The following ACAA2 variants were observed in gnomAD, a reference collection of about 807,000 sequenced individuals.
The protein encoded by ACAA2 is acetyl-CoA acyltransferase 2.
Under a neutral mutation model 44.8 loss-of-function variants are expected in ACAA2, and 35 were observed. The ratio of observed to expected loss-of-function variants is 0.78; its 90% CI spans 0.60 to 1.04. ACAA2 has a LOEUF of 1.04. Among genes scored for constraint, ACAA2 ranks in the 50% least tolerant of loss-of-function variants. The pLI is 0.00. For missense variants in ACAA2, 468 were observed against 482.6 expected (o/e 0.97, Z 0.28); for synonymous variants, 142 against 166.5 (o/e 0.85, Z 1.13).
intron 1 of ACAA2, among the ~76,000 whole-genome samples, chr18:49,809,204 A>G (rs1775068665): frequency 6.6e-6 from 1 of 152,208 alleles, no homozygotes. Flanking sequence ...TTGTTCCCTA[A>G]AAATCGCTGT....
chr18:49,788,891 C>T lies in ACAA2; in HGVS notation c.884-1530G>A, dbSNP rs564120508. ...GGAAAAGGAGACCTTATTTCTAGTCCTGGTTCCTGTCACTAATAGCTGTGC... is the reference window on the plus strand; with the variant it reads ...GGAAAAGGAGACCTTATTTCTAGTCTTGGTTCCTGTCACTAATAGCTGTGC... On this transcript the variant is annotated intron_variant, in intron 7 of 9. Coordinates refer to ENST00000285093, the MANE Select transcript of ACAA2 (RefSeq NM_006111.3). Among the ~76,000 whole-genome samples, 3 of 152,334 alleles carry T rather than the reference C, an allele frequency of 2.0e-5. No individual in the cohort carries two copies. The South Asian group carries it at 6.2e-4, about 32-fold the overall frequency.
At chr18:49,801,057 G>A (rs1174156195) in intron 2 of ACAA2, among the ~76,000 whole-genome samples, 3 of 152,074 alleles carry the variant, frequency 2.0e-5, no homozygotes. Flanking sequence ...GAAATAAAAA[G>A]AATCCACATT....
chr18:49,799,371 C>A (rs1445298249), intron 2 of ACAA2, among the ~76,000 whole-genome samples: 1 of 150,860 alleles, frequency 6.6e-6, no homozygotes, highest in Non-Finnish European at 1.5e-5. Context: ...CGCGCCGCCA[C>A]GCCTGACTGG....
Position 49,792,213 on chromosome 18 carries a change from T to C in ACAA2, c.692A>G (p.Gln231Arg). The C allele has an allele frequency of 6.2e-7, 1 of 1,614,058 alleles. No individual in the cohort carries two copies. Among genetic ancestry groups the C allele is most frequent in the South Asian group, 1.1e-5 (1 of 91,076 alleles). The change falls in exon 6 of 10, where the codon CAG becomes CGG. Residue 231 changes from glutamine to arginine, a missense_variant. Coordinates refer to ENST00000285093, the MANE Select transcript of ACAA2 (RefSeq NM_006111.3). ...GAATACTGGAGGAAGTTTCTGTAAC[T>C]GTTCCAGGGTGGTTTGGGGCCGAGC... The part of the protein sequence containing the change: ...EHARPQTTLE[Q>R]LQKLPPVFKK...
At chr18:49,797,344 T>A in intron 3 of ACAA2, 122 bp downstream of exon 3, 1 of 833,284 alleles carries the variant, frequency 1.2e-6, no homozygotes, top group Non-Finnish European at 1.8e-6. Flanking sequence ...ATGATCATGG[T>A]TTACTTGACC....
chr18:49,789,029 T>C (rs897756386), intron 7 of ACAA2, among the ~76,000 whole-genome samples: 5 of 152,214 alleles, frequency 3.3e-5, no homozygotes, highest in Non-Finnish European at 1.5e-5. Flanking sequence ...TGCCAAGTAA[T>C]AGATAATGCC....
intron 8 of ACAA2, among the ~76,000 whole-genome samples, chr18:49,786,975 A>G (rs2023337765): frequency 6.6e-6 from 1 of 152,186 alleles, no homozygotes; most frequent in Non-Finnish European, 1.5e-5. Context: ...TCACTTTAAT[A>G]TTCAACAGGC....
rs778014494 is a variant in ACAA2, at chr18:49,783,861, G to C, written c.1180C>G (p.Gln394Glu). 1.2e-6 allele frequency: 2 copies of C among 1,613,326 alleles called. No individual in the cohort carries two copies. The highest frequency in any genetic ancestry group is 1.7e-6 in the Non-Finnish European group (2 of 1,179,586). ...GGGQGIAVII[Q>E]STA The stretch of plus-strand genomic sequence containing the variant: ...CACTGGTCTCTTCAGGCTGTGCTCT[G>C]AATGATGACAGCAATACCTTGGCCA... The change falls in exon 10 of 10, where the codon CAG becomes GAG. Residue 394 changes from glutamine to glutamate, a missense_variant. By Grantham distance (29) the Gln-to-Glu change is conservative. Coordinates refer to ENST00000285093, the MANE Select transcript of ACAA2 (RefSeq NM_006111.3).
intron 8 of ACAA2, among the ~76,000 whole-genome samples, chr18:49,786,859 A>G (rs544667200): frequency 6.6e-6 from 1 of 152,328 alleles, no homozygotes; most frequent in South Asian, 2.1e-4. Flanking sequence ...AAAGCCAAAG[A>G]TACATTTAAG....
chr18:49,808,009 C>T lies in ACAA2; in HGVS notation c.17-5156G>A, dbSNP rs150568626. Among the ~76,000 whole-genome samples, 100 of 148,524 alleles carry T rather than the reference C, an allele frequency of 6.7e-4. No individual in the cohort carries two copies. The East Asian group carries it at 0.015, about 23-fold the overall frequency. On this transcript the variant is annotated intron_variant, in intron 1 of 9. Transcript: ENST00000285093. ...AAAAAAAAAAAAAAAACCCATGCAA[C>T]CCAATTTAAAAATGGGCAAAAGATC...
At position 49,791,572 on chromosome 18, in the gene ACAA2, T is replaced by C; in HGVS notation, c.781A>G (p.Ile261Val). 6.2e-7 allele frequency: 1 copy of C among 1,613,572 alleles called. No individual in the cohort carries two copies. Among genetic ancestry groups the C allele is most frequent in the South Asian group, 1.1e-5 (1 of 91,064 alleles). ...TTAACAGCATCTTCACTAGCTATGATAACAGCTCCAGCACCATCAGCTACA... is the reference window on the plus strand; with the variant it reads ...TTAACAGCATCTTCACTAGCTATGACAACAGCTCCAGCACCATCAGCTACA... The part of the protein sequence containing the change: ...SGVADGAGAV[I>V]IASEDAVKKH... The change falls in exon 7 of 10, where the codon ATC becomes GTC. Residue 261 changes from isoleucine to valine, a missense_variant. By Grantham distance (29) the Ile-to-Val change is conservative (BLOSUM62 3). Coordinates refer to ENST00000285093, the MANE Select transcript of ACAA2 (RefSeq NM_006111.3).
chr18:49,807,605 G>A (rs147372788), intron 1 of ACAA2, among the ~76,000 whole-genome samples: 54 of 152,308 alleles, frequency 3.5e-4, no homozygotes, highest in Admixed American at 4.6e-4. Context: ...GCCAAGGTGG[G>A]AGGACTGCTT....
At chr18:49,796,001 TGTC>T in intron 3 of ACAA2, 120 bp from the exon 4 acceptor site, 2 of 622,644 alleles carry the variant, frequency 3.2e-6, no homozygotes, top group Non-Finnish European at 5.6e-6. Flanking sequence ...TAGCTTACAG[TGTC>T]TCAAAAGGAA....
intron 3 of ACAA2, among the ~76,000 whole-genome samples, chr18:49,796,157 T>C (rs1001679336): frequency 6.6e-6 from 1 of 152,162 alleles, no homozygotes; most frequent in African/African-American, 2.4e-5. Context: ...CTTAACACAA[T>C]ATAAATCTTG....
At position 49,792,159 on chromosome 18, in the gene ACAA2, T is replaced by C; in HGVS notation, c.746A>G (p.Asn249Ser). The C allele has an allele frequency of 6.2e-7, 1 of 1,613,366 alleles. No homozygotes were observed. Among genetic ancestry groups the C allele is most frequent in the Non-Finnish European group, 8.5e-7 (1 of 1,179,484 alleles). ...FKKDGTVTAGNASGVADGAGA... is the reference protein window; with the variant it reads ...FKKDGTVTAGSASGVADGAGA... ...CTGTGTGGTGATACCAACCGATGCA[T>C]TCCCTGCAGTAACAGTTCCATCTTT... Residue 249 changes from asparagine (N) to serine (S), a missense_variant, in exon 6 of 10, where the codon AAT (asparagine) becomes AGT (serine). Physicochemically the swap from Asn to Ser is conservative, Grantham distance 46. Coordinates refer to ENST00000285093, the MANE Select transcript of ACAA2 (RefSeq NM_006111.3).
chr18:49,812,016 T>C (rs554482643), intron 1 of ACAA2, among the ~76,000 whole-genome samples: 2 of 152,322 alleles, frequency 1.3e-5, no homozygotes, highest in East Asian at 3.9e-4. Context: ...GTAAAAATAT[T>C]ATTTCCTTTT....
intron 1 of ACAA2, among the ~76,000 whole-genome samples, chr18:49,812,313 T>A (rs1568592901): frequency 6.6e-6 from 1 of 152,186 alleles, no homozygotes; most frequent in Non-Finnish European, 1.5e-5. Flanking sequence ...CACCAAAAAG[T>A]TTTCTGCCTA....
intron 1 of ACAA2, among the ~76,000 whole-genome samples, chr18:49,808,012 A>G (rs1050338829): frequency 6.6e-6 from 1 of 151,984 alleles, no homozygotes; most frequent in Non-Finnish European, 1.5e-5. Flanking sequence ...CATGCAACCC[A>G]ATTTAAAAAT....
At chr18:49,810,670 T>A in intron 1 of ACAA2, among the ~76,000 whole-genome samples, 1 of 151,978 alleles carries the variant, frequency 6.6e-6, no homozygotes, top group Non-Finnish European at 1.5e-5. Flanking sequence ...CTCAATCATA[T>A]ATTTTTGGTT....
Sources: gnomAD v4.1 joint callset for allele counts (sites outside exome capture counted in the v4.1 genomes callset) on GRCh38, gnomAD v4.1.1 for gene constraint, MANE v1.5 for transcripts, NCBI Gene and HGNC (gene_info 2026-07-23, HGNC 2026-07-21) for gene names.